PPP1R13B: variants seen among roughly 807,000 people sequenced by gnomAD.
The protein encoded by PPP1R13B is apoptosis-stimulating of p53 protein 1.
Under a neutral mutation model 119.8 loss-of-function variants are expected in PPP1R13B, and 44 were observed. The observed-to-expected ratio is 0.37, with a 90% CI of 0.29 to 0.47. The LOEUF (loss-of-function observed/expected upper bound fraction) is 0.47. Ranked by LOEUF, PPP1R13B falls within the 20% of genes least tolerant of loss-of-function variation. PPP1R13B has a pLI of 0.99. For missense variants in PPP1R13B, 1,227 were observed against 1,413.5 expected, an observed-to-expected ratio of 0.87 and a Z score of 2.12; for synonymous variants, 542 against 561.5, an observed-to-expected ratio of 0.97 and a Z score of 0.49.
Position 103,756,761 on chromosome 14 carries a change from G to GT in PPP1R13B, c.456+888dup, listed in dbSNP as rs564456007. Among the ~76,000 whole-genome samples the GT allele has an allele frequency of 8.9e-3, 1,327 of 148,900 alleles. 8 individuals are homozygous for GT. Among genetic ancestry groups the GT allele is most frequent in the Middle Eastern group, 0.021 (6 of 288 alleles). On this transcript the variant is annotated intron_variant, in intron 5 of 16. Transcript: ENST00000202556. Reference sequence around the variant, plus strand: ...AGCACCCTTTCTTCCCGATTTCTTTGTTTTTTTTTTCTTTTGAGATGGAGT... The same window carrying GT: ...AGCACCCTTTCTTCCCGATTTCTTTGTTTTTTTTTTTCTTTTGAGATGGAGT...
At chr14:103,759,895 CGTGT>C (rs1265620552) in intron 4 of PPP1R13B, among the ~76,000 whole-genome samples, 1 of 152,090 alleles carries the variant, frequency 6.6e-6, no homozygotes, top group Non-Finnish European at 1.5e-5. Context: ...CTTTATGTTG[CGTGT>C]GTTTTTCTAA....
In PPP1R13B at chr14:103,797,437, C is replaced by T. The variant is rs372573261; in HGVS notation, c.91G>A (p.Val31Ile). 21 of 1,613,954 alleles carry T rather than the reference C, an allele frequency of 1.3e-5. No individual in the cohort carries two copies. Among genetic ancestry groups the T allele is most frequent in the South Asian group, 4.4e-5 (4 of 91,086 alleles). The part of the protein sequence containing the change: ...PITPETTCRD[V>I]VEFCKEPGEG... ...CCAGGTTCCTTGCAAAATTCTACAA[C>T]ATCTCGACAGGTTGTTTCCGGTGTT... The change falls in exon 2 of 17, where the codon GTT (valine) becomes ATT (isoleucine). Residue 31 changes from valine to isoleucine, a missense_variant. Physicochemically the swap from Val to Ile is conservative, Grantham distance 29 (BLOSUM62 3). Coordinates refer to ENST00000202556, the MANE Select transcript of PPP1R13B (RefSeq NM_015316.3).
intron 1 of PPP1R13B, 95 bp from the exon 2 acceptor site, chr14:103,797,613 C>A: frequency 3.9e-6 from 2 of 515,220 alleles, no homozygotes; most frequent in South Asian, 2.8e-5. Context: ...ACCCCCCGCC[C>A]CCAAAATGCC....
chr14:103,817,690 C>T (rs2086312422), intron 1 of PPP1R13B, among the ~76,000 whole-genome samples: 1 of 151,780 alleles, frequency 6.6e-6, no homozygotes, highest in African/African-American at 2.4e-5. Context: ...ATTATTTTTG[C>T]TTGCTATGTT....
intron 1 of PPP1R13B, among the ~76,000 whole-genome samples, chr14:103,844,039 G>C (rs2086970001): frequency 6.6e-6 from 1 of 152,050 alleles, no homozygotes; most frequent in African/African-American, 2.4e-5. Context: ...GGCTGGGGCG[G>C]GCAGATCACT....
At chr14:103,844,023 T>C (rs1027542484) in intron 1 of PPP1R13B, among the ~76,000 whole-genome samples, 1 of 151,542 alleles carries the variant, frequency 6.6e-6, no homozygotes, top group African/African-American at 2.4e-5. Flanking sequence ...TCCCAGCACT[T>C]TGGGAGGCTG....
chr14:103,762,524 A>G lies in PPP1R13B; in HGVS notation c.355-4773T>C, dbSNP rs535211454. On this transcript the variant is annotated intron_variant, in intron 4 of 16. Coordinates refer to ENST00000202556, the MANE Select transcript of PPP1R13B (RefSeq NM_015316.3). ...AATGACGAGTTAATGGGTGCAGCAC[A>G]CCAACATGGCACATGTATACATACG... Among the ~76,000 whole-genome samples, 18 of 151,946 alleles carry G rather than the reference A, an allele frequency of 1.2e-4. No homozygotes were observed. The East Asian group carries it at 3.5e-3, about 29-fold the overall frequency.
chr14:103,831,107 C>T (rs1185809056), intron 1 of PPP1R13B, among the ~76,000 whole-genome samples: 1 of 151,778 alleles, frequency 6.6e-6, no homozygotes, highest in Non-Finnish European at 1.5e-5. Flanking sequence ...CCACGCCCAG[C>T]TGATGTTTTG....
chr14:103,752,417 T>C (rs1249678263), intron 7 of PPP1R13B, among the ~76,000 whole-genome samples: 6 of 151,966 alleles, frequency 3.9e-5, no homozygotes, highest in Admixed American at 2.0e-4. Context: ...TTTTGGGTGA[T>C]AAAAATGTTC....
upstream of PPP1R13B, among the ~76,000 whole-genome samples, chr14:103,848,796 G>C (rs990761807): frequency 8.4e-5 from 12 of 143,110 alleles, no homozygotes; most frequent in African/African-American, 3.2e-4. Flanking sequence ...AGGCCACGGG[G>C]GCTCGTGTTT....
intron 4 of PPP1R13B, among the ~76,000 whole-genome samples, chr14:103,769,132 C>A (rs1477206985): frequency 6.6e-6 from 1 of 152,200 alleles, no homozygotes; most frequent in African/African-American, 2.4e-5. Context: ...GTCACCCAGG[C>A]TGGAGTGCAG....
intron 1 of PPP1R13B, among the ~76,000 whole-genome samples, chr14:103,830,938 A>C (rs1030229224): frequency 5.9e-5 from 9 of 151,770 alleles, no homozygotes; most frequent in Non-Finnish European, 8.8e-5. Flanking sequence ...CTACATACTC[A>C]AGTAATTTTT....
intron 1 of PPP1R13B, among the ~76,000 whole-genome samples, chr14:103,808,913 G>C (rs965682845): frequency 6.6e-6 from 1 of 151,938 alleles, no homozygotes; most frequent in Non-Finnish European, 1.5e-5. Flanking sequence ...CTGCTGCCCA[G>C]GCTGAGCGCA....
At position 103,837,980 on chromosome 14, in the gene PPP1R13B, A is replaced by T. The variant is rs1430705447; in HGVS notation, c.9+9319T>A. On this transcript the variant is annotated intron_variant, in intron 1 of 16. Coordinates refer to ENST00000202556, the MANE Select transcript of PPP1R13B (RefSeq NM_015316.3). ...ATAAAAATACAAAAATTAGCCAGGC[A>T]TGGTGGCGCACACCTGTAGTCCCAG... Among the ~76,000 whole-genome samples the T allele has an allele frequency of 2.0e-5, 3 of 152,098 alleles. No homozygotes were observed. In the East Asian group the frequency reaches 5.8e-4, roughly 29 times the overall value.
chr14:103,785,017 T>C (rs2085425677), intron 2 of PPP1R13B, 103 bp from the exon 3 acceptor site: 1 of 974,516 alleles, frequency 1.0e-6, no homozygotes. Flanking sequence ...CACACATGTA[T>C]GTCTACATGT....
intron 3 of PPP1R13B, 103 bp downstream of exon 3, chr14:103,784,692 T>G: frequency 8.4e-7 from 1 of 1,184,778 alleles, no homozygotes; most frequent in Non-Finnish European, 1.1e-6. Flanking sequence ...CACTTGTAAG[T>G]GCAGGGCCGG....
At chr14:103,798,421 G>A (rs561190772) in intron 1 of PPP1R13B, among the ~76,000 whole-genome samples, 1 of 151,978 alleles carries the variant, frequency 6.6e-6, no homozygotes, top group South Asian at 2.1e-4. Context: ...CAAAGTGCTG[G>A]GATTACAGGT....
At position 103,736,055 on chromosome 14, in the gene PPP1R13B, C is replaced by A; in HGVS notation, c.3179G>T (p.Trp1060Leu). 10 of 1,614,216 alleles carry A rather than the reference C, an allele frequency of 6.2e-6. No homozygotes were observed. Among genetic ancestry groups the A allele is most frequent in the Non-Finnish European group, 8.5e-6 (10 of 1,180,034 alleles). Residue 1060 changes from tryptophan to leucine, a missense_variant, in exon 16 of 17, where the codon TGG (tryptophan) becomes TTG (leucine). Coordinates refer to ENST00000202556, the MANE Select transcript of PPP1R13B (RefSeq NM_015316.3). ...CTCCCGGTCTCCAAGGCGAGCCCAC[C>A]ACCACTCAGTCTCGCTTTCGTCCTT... is the stretch of plus-strand genomic sequence containing the variant. ...RRKDESETEW[W>L]WARLGDREGY...
chr14:103,778,864 A>G, intron 3 of PPP1R13B, 43 bp from the exon 4 acceptor site: 1 of 1,438,066 alleles, frequency 7.0e-7, no homozygotes, highest in South Asian at 1.2e-5. Flanking sequence ...GGCGTATTAG[A>G]AAAAAGTAAT....
Sources: gnomAD v4.1 joint callset for allele counts (sites outside exome capture counted in the v4.1 genomes callset) on GRCh38, gnomAD v4.1.1 for gene constraint, MANE v1.5 for transcripts, NCBI Gene and HGNC (gene_info 2026-07-23, HGNC 2026-07-21) for gene names.